The following NFATC1 variants were observed in gnomAD, a reference collection of about 807,000 sequenced individuals.
NFATC1 encodes the protein nuclear factor of activated T cells 1, also known as nuclear factor of activated T-cells, cytoplasmic 1.
NFATC1 carries 22 observed loss-of-function variants against 76.0 expected under a neutral mutation model. That is an observed-to-expected ratio of 0.29 (90% CI 0.21 to 0.41). NFATC1 has a LOEUF of 0.41. NFATC1 is among the 10% of genes least tolerant of loss of function. The pLI is 1.00. For synonymous variants in NFATC1, 704 were observed against 613.1 expected (o/e 1.15, Z -2.19); for missense variants, 1,357 against 1,337.7 (o/e 1.01, Z -0.23).
intron 2 of NFATC1, among the ~76,000 whole-genome samples, chr18:79,432,539 G>A (rs977608815): frequency 3.7e-4 from 56 of 152,236 alleles, no homozygotes; most frequent in African/African-American, 1.3e-3. Context: ...CCCTGCAGTA[G>A]GCAGTGCTGG....
intron 1 of NFATC1, among the ~76,000 whole-genome samples, chr18:79,401,386 T>G (rs570276695): frequency 1.6e-4 from 24 of 152,200 alleles, no homozygotes; most frequent in Non-Finnish European, 2.9e-4. Context: ...GATCATTTTT[T>G]GAAAATAAGC....
chr18:79,495,329 T>C (rs749896441), intron 9 of NFATC1, among the ~76,000 whole-genome samples: 85 of 152,376 alleles, frequency 5.6e-4, no homozygotes, highest in Admixed American at 1.1e-3. Flanking sequence ...CCTGAAGATA[T>C]TCACTGTGGA....
intron 9 of NFATC1, among the ~76,000 whole-genome samples, chr18:79,521,459 A>G (rs1601004487): frequency 1.5e-5 from 1 of 68,818 alleles, no homozygotes; most frequent in Non-Finnish European, 2.6e-5. Flanking sequence ...GGGAGCATCC[A>G]CTGATGTGTA....
chr18:79,523,083 A>G (rs1334041004), intron 9 of NFATC1, among the ~76,000 whole-genome samples: 6 of 152,214 alleles, frequency 3.9e-5, no homozygotes, highest in Non-Finnish European at 8.8e-5. Flanking sequence ...GGGTGACTAC[A>G]GTACCTGCCT....
At chr18:79,508,858 C>T (rs552075222) in intron 9 of NFATC1, among the ~76,000 whole-genome samples, 1 of 151,008 alleles carries the variant, frequency 6.6e-6, no homozygotes, top group East Asian at 1.9e-4. Flanking sequence ...ATCTCTCTCC[C>T]TCTGTCTCTG....
intron 9 of NFATC1, among the ~76,000 whole-genome samples, chr18:79,508,834 TCTCTGTCTCTCTTATCTCTCTCC>T (rs2090178799): frequency 6.6e-6 from 1 of 150,734 alleles, no homozygotes; most frequent in Non-Finnish European, 1.5e-5. Flanking sequence ...CCTCCGTGTG[TCTCTGTCTCTCTTATCTCTCTCC>T]CTCTGTCTCT....
intron 3 of NFATC1, chr18:79,448,122 G>C (rs2087293194): frequency 6.6e-6 from 1 of 152,412 alleles, no homozygotes; most frequent in Admixed American, 6.5e-5. Context: ...GAAGCCATGA[G>C]CGGCTCTGCA....
intron 9 of NFATC1, among the ~76,000 whole-genome samples, chr18:79,489,278 T>C (rs1314524243): frequency 1.3e-5 from 2 of 152,016 alleles, no homozygotes; most frequent in African/African-American, 4.8e-5. Context: ...TGCGTGGACA[T>C]GGAGGGGATG....
At chr18:79,472,691 C>T (rs185730375) in intron 8 of NFATC1, among the ~76,000 whole-genome samples, 2 of 152,208 alleles carry the variant, frequency 1.3e-5, no homozygotes, top group East Asian at 1.9e-4. Flanking sequence ...GGCCTGAGCT[C>T]GGCTCTCACT....
chr18:79,416,576 G>A (rs1441491835), intron 2 of NFATC1, among the ~76,000 whole-genome samples: 1 of 152,220 alleles, frequency 6.6e-6, no homozygotes. Context: ...TGGTAGCCGT[G>A]GGGTCTTCCC....
chr18:79,414,872 G>A (rs1009656127), intron 2 of NFATC1, among the ~76,000 whole-genome samples: 8 of 152,212 alleles, frequency 5.3e-5, no homozygotes, highest in Non-Finnish European at 1.2e-4. Flanking sequence ...GCCGGGCTGC[G>A]TCTGGAGGAG....
At chr18:79,406,402 A>G (rs905065502) in intron 1 of NFATC1, among the ~76,000 whole-genome samples, 3 of 151,834 alleles carry the variant, frequency 2.0e-5, no homozygotes, top group African/African-American at 7.3e-5. Context: ...TCCGAGAGGA[A>G]GTCGGGGTGT....
At chr18:79,425,978 G>A (rs565907248) in intron 2 of NFATC1, among the ~76,000 whole-genome samples, 5 of 152,308 alleles carry the variant, frequency 3.3e-5, no homozygotes, top group East Asian at 1.9e-4. Context: ...TTGGGAGGCC[G>A]AGGCACCAGG....
intron 3 of NFATC1, among the ~76,000 whole-genome samples, chr18:79,442,472 C>T (rs753361964): frequency 6.6e-6 from 1 of 152,230 alleles, no homozygotes; most frequent in Non-Finnish European, 1.5e-5. Context: ...CTTCTCTGGG[C>T]TTCCGGTTTG....
intron 9 of NFATC1, among the ~76,000 whole-genome samples, chr18:79,508,810 T>C (rs1048682666): frequency 2.0e-5 from 3 of 151,776 alleles, no homozygotes; most frequent in Non-Finnish European, 4.4e-5. Context: ...TCCATCTCTC[T>C]CTCTCTCCAT....
At chr18:79,480,544 T>C (rs1418191138) in intron 8 of NFATC1, among the ~76,000 whole-genome samples, 2 of 152,152 alleles carry the variant, frequency 1.3e-5, no homozygotes, top group Non-Finnish European at 2.9e-5. Context: ...ACCACCATCC[T>C]AGGTCAGGAC....
chr18:79,405,845 G>A (rs941533154), intron 1 of NFATC1, among the ~76,000 whole-genome samples: 5 of 152,166 alleles, frequency 3.3e-5, no homozygotes, highest in East Asian at 1.9e-4. Context: ...AAAGGCCCTC[G>A]GGTGCCCCAG....
At chr18:79,407,552 A>G (rs893182109) in intron 1 of NFATC1, among the ~76,000 whole-genome samples, 3 of 152,162 alleles carry the variant, frequency 2.0e-5, no homozygotes, top group African/African-American at 7.2e-5. Context: ...GGCTCAAGCA[A>G]TCCTGCTGCC....
intron 3 of NFATC1, among the ~76,000 whole-genome samples, chr18:79,440,007 G>A (rs967505294): frequency 6.6e-6 from 1 of 152,148 alleles, no homozygotes; most frequent in Non-Finnish European, 1.5e-5. Context: ...GCAGGTCTGC[G>A]ACACTGATTT....
Sources: gnomAD v4.1 joint callset for allele counts (sites outside exome capture counted in the v4.1 genomes callset) on GRCh38, gnomAD v4.1.1 for gene constraint, MANE v1.5 for transcripts, NCBI Gene and HGNC (gene_info 2026-07-23, HGNC 2026-07-21) for gene names.